Variants in LRRC4C observed in about 807,000 individuals in gnomAD.
The protein encoded by LRRC4C is leucine-rich repeat-containing protein 4C.
LRRC4C carries 5 observed loss-of-function variants against 33.6 expected under a neutral mutation model. The ratio of observed to expected loss-of-function variants is 0.15; its 90% CI spans 0.08 to 0.31. LRRC4C has a LOEUF of 0.31. Among genes scored for constraint, LRRC4C ranks in the 10% least tolerant of loss-of-function variants. The pLI is 1.00. For missense variants in LRRC4C, 560 were observed against 796.7 expected (o/e 0.70, Z 3.58); for synonymous variants, 329 against 302.0 (o/e 1.09, Z -0.93).
chr11:40,244,493 A>C (rs1866172451), intron 4 of LRRC4C, among the ~76,000 whole-genome samples: 1 of 152,122 alleles, frequency 6.6e-6, no homozygotes, highest in African/African-American at 2.4e-5. Flanking sequence ...TTCGCCACAA[A>C]CCATTGTCTG....
rs75915552 is a variant in LRRC4C, at chr11:40,189,723, C to T, written c.-95-48870G>A. ...TAAATAAGGCCTCTATGTGATCATT[C>T]GAATATATGTGCCAATTTGAGGGCA... On this transcript the variant is annotated intron_variant, in intron 5 of 6. Transcript: ENST00000528697. Among the ~76,000 whole-genome samples the T allele has an allele frequency of 8.4e-3, 1,282 of 152,082 alleles. 22 individuals carry two copies. Among genetic ancestry groups the T allele is most frequent in the African/African-American group, 0.029 (1,199 of 41,494 alleles).
chr11:40,828,256 C>T (rs1443427969), intron 2 of LRRC4C, among the ~76,000 whole-genome samples: 1 of 151,186 alleles, frequency 6.6e-6, no homozygotes, highest in African/African-American at 2.4e-5. Flanking sequence ...GGTAATGCAA[C>T]ATTTTCTTGC....
intron 1 of LRRC4C, among the ~76,000 whole-genome samples, chr11:41,132,030 G>A (rs1200458195): frequency 6.6e-6 from 1 of 152,164 alleles, no homozygotes; most frequent in African/African-American, 2.4e-5. Flanking sequence ...CTCTGGCTAT[G>A]CAGTAGGCAT....
intron 3 of LRRC4C, among the ~76,000 whole-genome samples, chr11:40,331,469 T>G (rs752797101): frequency 6.6e-6 from 1 of 152,170 alleles, no homozygotes; most frequent in Non-Finnish European, 1.5e-5. Context: ...AAATACTATT[T>G]ATCTATAAAA....
At chr11:40,978,581 A>T (rs1852260550) in intron 1 of LRRC4C, among the ~76,000 whole-genome samples, 1 of 151,972 alleles carries the variant, frequency 6.6e-6, no homozygotes, top group African/African-American at 2.4e-5. Flanking sequence ...AAGGCTGATA[A>T]ATCCTACTAT....
intron 1 of LRRC4C, among the ~76,000 whole-genome samples, chr11:41,005,708 C>T (rs375995170): frequency 7.4e-4 from 112 of 152,270 alleles, no homozygotes; most frequent in African/African-American, 2.7e-3. Context: ...TTGCCTCCTG[C>T]CATTATTGCA....
At chr11:40,550,913 G>T (rs570485272) in intron 3 of LRRC4C, among the ~76,000 whole-genome samples, 1 of 152,052 alleles carries the variant, frequency 6.6e-6, no homozygotes, top group East Asian at 1.9e-4. Flanking sequence ...CTCCCATGTT[G>T]TAGAGTATTG....
intron 1 of LRRC4C, among the ~76,000 whole-genome samples, chr11:41,182,116 T>C (rs906870865): frequency 6.6e-6 from 1 of 152,216 alleles, no homozygotes; most frequent in Non-Finnish European, 1.5e-5. Flanking sequence ...ATGTTGGAAA[T>C]ACTTTTTTAA....
Position 40,361,310 on chromosome 11 carries a change from C to T in LRRC4C, c.-269-41589G>A, listed in dbSNP as rs1380455057. ...AGAAAGAGAGGAAGTCAAACTATCC[C>T]TTCATTGTCTCAGCCCAAAAGCTTT... On this transcript the variant is annotated intron_variant, in intron 3 of 6. Transcript: ENST00000528697. 2.0e-5 allele frequency among the ~76,000 whole-genome samples: 3 copies of T among 152,108 alleles called. No homozygotes were observed. In the East Asian group the frequency reaches 5.8e-4, roughly 29 times the overall value.
chr11:40,576,075 T>C (rs1958178760), intron 3 of LRRC4C, among the ~76,000 whole-genome samples: 1 of 152,164 alleles, frequency 6.6e-6, no homozygotes, highest in Non-Finnish European at 1.5e-5. Context: ...GTAAAACAAA[T>C]GACAATGAAA....
At chr11:40,634,717 A>AAAT (rs200037288) in intron 3 of LRRC4C, among the ~76,000 whole-genome samples, 3,035 of 112,032 alleles carry the variant, frequency 0.027, 98 homozygotes, top group African/African-American at 0.084. Context: ...AAAAATAAGA[A>AAAT]AATAAAAAAA....
intron 3 of LRRC4C, among the ~76,000 whole-genome samples, chr11:40,385,376 T>TTCTATCTA (rs1017549099): frequency 2.0e-5 from 3 of 152,192 alleles, no homozygotes; most frequent in African/African-American, 7.2e-5. Flanking sequence ...AGTTTTTGAG[T>TTCTATCTA]TCTATCTATC....
intron 2 of LRRC4C, among the ~76,000 whole-genome samples, chr11:40,697,790 C>T (rs1421817212): frequency 6.6e-6 from 1 of 152,056 alleles, no homozygotes; most frequent in East Asian, 1.9e-4. Context: ...CAAAAATTGG[C>T]CGGGTGCCAT....
chr11:41,225,802 T>C (rs906665322), intron 1 of LRRC4C, among the ~76,000 whole-genome samples: 2 of 152,124 alleles, frequency 1.3e-5, no homozygotes, highest in African/African-American at 2.4e-5. Context: ...GCCTATGACA[T>C]GCCAGCCGGT....
rs940134090 is a variant in LRRC4C at position 40,916,441 on chromosome 11, G to A, written c.-407+17194C>T. ...AACCCATCATTCTCAGCAAACTATCGCAAGGACAAAAAACCAAACACCACA... is the reference window on the plus strand; with the variant it reads ...AACCCATCATTCTCAGCAAACTATCACAAGGACAAAAAACCAAACACCACA... On this transcript the variant is annotated intron_variant, in intron 2 of 6. Transcript: ENST00000528697. Among the ~76,000 whole-genome samples, 5 of 152,060 alleles carry A rather than the reference G, an allele frequency of 3.3e-5. No homozygotes were observed. In the East Asian group the frequency reaches 7.8e-4, roughly 24 times the overall value.
At chr11:41,433,725 T>C (rs1368805070) in intron 1 of LRRC4C, among the ~76,000 whole-genome samples, 2 of 152,094 alleles carry the variant, frequency 1.3e-5, no homozygotes, top group Non-Finnish European at 2.9e-5. Flanking sequence ...GCTTCCTTGC[T>C]CCTCAGCTTG....
intron 3 of LRRC4C, among the ~76,000 whole-genome samples, chr11:40,343,031 T>A (rs1946945085): frequency 6.7e-6 from 1 of 148,988 alleles, no homozygotes; most frequent in South Asian, 2.1e-4. Flanking sequence ...TTTATATATA[T>A]ATTTTTTGCC....
At chr11:40,579,674 G>A (rs1300935543) in intron 3 of LRRC4C, among the ~76,000 whole-genome samples, 2 of 152,048 alleles carry the variant, frequency 1.3e-5, no homozygotes, top group African/African-American at 2.4e-5. Context: ...ACTCTTACGT[G>A]TTTGTACAAG....
intron 5 of LRRC4C, among the ~76,000 whole-genome samples, chr11:40,141,992 G>T (rs11603060): frequency 2.5e-4 from 38 of 152,034 alleles, no homozygotes; most frequent in African/African-American, 8.9e-4. Flanking sequence ...TTAAATAAAT[G>T]GATAACTCAG....
Sources: allele counts gnomAD v4.1 joint callset (sites outside exome capture counted in the v4.1 genomes callset), GRCh38; gene constraint gnomAD v4.1.1; transcripts MANE v1.5; gene names NCBI Gene and HGNC (gene_info 2026-07-23, HGNC 2026-07-21).